The following IQSEC1 variants were observed in gnomAD, a reference collection of about 807,000 sequenced individuals.
IQSEC1 encodes IQ motif and SEC7 domain-containing protein 1.
Under a neutral mutation model 91.0 loss-of-function variants are expected in IQSEC1, and 31 were observed. That is an observed-to-expected ratio of 0.34 (90% CI 0.26 to 0.46). The LOEUF (loss-of-function observed/expected upper bound fraction) is 0.46. IQSEC1 is among the 20% of genes least tolerant of loss of function. The pLI is 1.00. For missense variants in IQSEC1, 1,388 were observed against 1,575.6 expected (o/e 0.88, Z 2.02); for synonymous variants, 699 against 662.6 (o/e 1.05, Z -0.84).
At chr3:13,157,881 A>G (rs1455787506) in intron 2 of IQSEC1, among the ~76,000 whole-genome samples, 1 of 152,204 alleles carries the variant, frequency 6.6e-6, no homozygotes, top group Non-Finnish European at 1.5e-5. Flanking sequence ...CCTTGAGGCT[A>G]AAGTCTTTGC....
At chr3:13,105,427 G>A (rs1444861027) in intron 2 of IQSEC1, among the ~76,000 whole-genome samples, 7 of 152,112 alleles carry the variant, frequency 4.6e-5, no homozygotes, top group Non-Finnish European at 2.9e-5. Flanking sequence ...ACAGCCACCC[G>A]CTCCCACCAG....
chr3:13,034,874 T>C (rs1703977864), intron 1 of IQSEC1, among the ~76,000 whole-genome samples: 1 of 152,242 alleles, frequency 6.6e-6, no homozygotes, highest in South Asian at 2.1e-4. Flanking sequence ...ATGCAGCTCC[T>C]GTCCAGCACA....
chr3:13,117,361 C>T (rs1343020793), intron 2 of IQSEC1, among the ~76,000 whole-genome samples: 9 of 149,470 alleles, frequency 6.0e-5, no homozygotes, highest in Middle Eastern at 3.5e-3. Context: ...CGGAGGCGGG[C>T]GGATCACGAG....
At position 12,908,732 on chromosome 3, in the gene IQSEC1, G is replaced by A. The variant is rs906216003; in HGVS notation, c.2579-207C>T. Among the ~76,000 whole-genome samples, 2 of 152,008 alleles carry A rather than the reference G, an allele frequency of 1.3e-5. No individual in the cohort carries two copies. The highest frequency in any genetic ancestry group is 2.1e-4 in the South Asian group (1 of 4,822). ...AGGAGGGAGGCTAGAGAGACCAGAG[G>A]GCCTTGTGACCTGCAGGAAGGATAG... On this transcript the variant is annotated intron_variant, in intron 11 of 13. Transcript: ENST00000613206. This position sits in a 1 kb window ranked among gnomAD's most constrained non-coding sequence, Gnocchi z 4.9.
intron 1 of IQSEC1, among the ~76,000 whole-genome samples, chr3:13,050,302 G>T (rs1050148166): frequency 2.0e-5 from 3 of 152,170 alleles, no homozygotes; most frequent in East Asian, 1.9e-4. Flanking sequence ...CCAGGAACAG[G>T]CCCCAGCAAA....
chr3:13,239,643 T>C (rs1694986546), intron 1 of IQSEC1, among the ~76,000 whole-genome samples: 1 of 152,182 alleles, frequency 6.6e-6, no homozygotes, highest in Non-Finnish European at 1.5e-5. Flanking sequence ...AGCACCCCAC[T>C]TACTGAGGAC....
chr3:12,987,969 C>T (rs1336255115), intron 1 of IQSEC1, among the ~76,000 whole-genome samples: 1 of 152,222 alleles, frequency 6.6e-6, no homozygotes, highest in African/African-American at 2.4e-5. Context: ...GCTTGCTTTA[C>T]AGCCAGTATG....
chr3:13,123,813 A>G (rs1213249977), intron 2 of IQSEC1, among the ~76,000 whole-genome samples: 2 of 152,238 alleles, frequency 1.3e-5, no homozygotes, highest in Admixed American at 6.5e-5. Flanking sequence ...GCCTCCTGTC[A>G]CTGCTCAGCT....
chr3:13,234,190 C>T (rs547717649), intron 1 of IQSEC1, among the ~76,000 whole-genome samples: 1 of 151,214 alleles, frequency 6.6e-6, no homozygotes, highest in Admixed American at 6.6e-5. Flanking sequence ...GTGTGAGCCC[C>T]CATGTCTGTG....
In IQSEC1 at chr3:13,214,635, C is replaced by A. The variant is rs906270469; in HGVS notation, c.273-50502G>T. 6.6e-6 allele frequency among the ~76,000 whole-genome samples: 1 copy of A among 152,220 alleles called. No individual in the cohort carries two copies. Among genetic ancestry groups the A allele is most frequent in the Non-Finnish European group, 1.5e-5 (1 of 68,046 alleles). On this transcript the variant is annotated intron_variant, in intron 1 of 15. Transcript: ENST00000648114. This position sits in a 1 kb window ranked among gnomAD's most constrained non-coding sequence, Gnocchi z 4.5. ...AGGAGGGGGCACCTCCAGGAATCCA[C>A]CCTGGCAAGAGCAGGGCCACGGTGC...
At chr3:12,987,038 C>G (rs568601576) in intron 1 of IQSEC1, 3 of 441,194 alleles carry the variant, frequency 6.8e-6, no homozygotes. Context: ...CTTCTCAGGC[C>G]TCCTCTGCTG....
intron 1 of IQSEC1, among the ~76,000 whole-genome samples, chr3:13,250,502 T>TC (rs1329862751): frequency 8.0e-5 from 11 of 137,574 alleles, no homozygotes; most frequent in African/African-American, 2.8e-4. Context: ...CACTTCAACC[T>TC]CCCCCCACCA....
upstream of IQSEC1, among the ~76,000 whole-genome samples, chr3:13,073,672 G>A (rs915836881): frequency 6.6e-6 from 1 of 152,258 alleles, no homozygotes; most frequent in Non-Finnish European, 1.5e-5. Context: ...GCCGCGCGGA[G>A]CCTACGATGA....
intron 1 of IQSEC1, among the ~76,000 whole-genome samples, chr3:13,020,335 G>C (rs1703342450): frequency 6.6e-6 from 1 of 152,146 alleles, no homozygotes; most frequent in African/African-American, 2.4e-5. Flanking sequence ...CAGCCAGCCG[G>C]CATCCTCATC....
chr3:13,086,175 C>T (rs1705731260), intron 2 of IQSEC1, among the ~76,000 whole-genome samples: 1 of 152,220 alleles, frequency 6.6e-6, no homozygotes, highest in South Asian at 2.1e-4. Context: ...TGCTGTATGA[C>T]CCTGGGCAAG....
chr3:13,100,400 C>A (rs1706036352), intron 2 of IQSEC1, among the ~76,000 whole-genome samples: 1 of 148,684 alleles, frequency 6.7e-6, no homozygotes, highest in African/African-American at 2.5e-5. Flanking sequence ...AGTGCCTAAC[C>A]CCTTGTATGA....
chr3:12,965,574 C>T (rs1700511166), intron 1 of IQSEC1, among the ~76,000 whole-genome samples: 1 of 152,258 alleles, frequency 6.6e-6, no homozygotes, highest in African/African-American at 2.4e-5. Flanking sequence ...TCTCAACCTC[C>T]AAGACCTCTG....
At position 13,021,133 on chromosome 3, in the gene IQSEC1, C is replaced by A. The variant is rs141411866; in HGVS notation, c.23+51859G>T. ...TTCCAAATAGGTGGCTGCCCCTAAG[C>A]CCTTCCATATACAAATTCGGGCCCC... On this transcript the variant is annotated intron_variant, in intron 1 of 13. Coordinates refer to ENST00000613206, the MANE Select transcript of IQSEC1 (RefSeq NM_001134382.3). Among the ~76,000 whole-genome samples, 165 of 152,308 alleles carry A rather than the reference C, an allele frequency of 1.1e-3. 4 individuals carry two copies. In the East Asian group the frequency reaches 0.026, roughly 24 times the overall value.
At chr3:12,941,435 G>C in intron 2 of IQSEC1, 136 bp downstream of exon 2, 3 of 863,596 alleles carry the variant, frequency 3.5e-6, no homozygotes, top group Non-Finnish European at 5.2e-6. Context: ...CTGGGGCAGA[G>C]CCCTCAGCCT....
Sources: gnomAD v4.1 joint callset for allele counts (sites outside exome capture counted in the v4.1 genomes callset) on GRCh38, gnomAD v4.1.1 for gene constraint, Gnocchi (gnomAD v3.1) non-coding constraint, MANE v1.5 for transcripts, NCBI Gene and HGNC (gene_info 2026-07-23, HGNC 2026-07-21) for gene names.